Variants in GRM7 observed in about 807,000 individuals in gnomAD.
The protein encoded by GRM7 is metabotropic glutamate receptor 7.
Under a neutral mutation model 84.5 loss-of-function variants are expected in GRM7, and 35 were observed. The ratio of observed to expected loss-of-function variants is 0.41; its 90% CI spans 0.32 to 0.55. The LOEUF (loss-of-function observed/expected upper bound fraction) is 0.55, where lower values mean the gene tolerates loss of function less well. GRM7 is among the 20% of genes least tolerant of loss of function. The pLI, the probability that GRM7 is intolerant of heterozygous loss-of-function variation, is 0.19. For missense variants in GRM7, 1,003 were observed against 1,194.6 expected (o/e 0.84, Z 2.36); for synonymous variants, 487 against 455.1 (o/e 1.07, Z -0.89).
At chr3:7,520,398 C>T (rs1268222827) in intron 7 of GRM7, 1 of 152,090 alleles carries the variant, frequency 6.6e-6, no homozygotes, top group Non-Finnish European at 1.5e-5. Context: ...ATAAAAGTCC[C>T]ATCTTGCCCT....
Position 6,885,708 on chromosome 3 carries a change from A to G in GRM7, c.519+23801A>G, listed in dbSNP as rs1280911020. 3.9e-5 allele frequency among the ~76,000 whole-genome samples: 6 copies of G among 152,370 alleles called. No homozygotes were observed. In the East Asian group the frequency reaches 1.2e-3, roughly 29 times the overall value. On this transcript the variant is annotated intron_variant, in intron 1 of 9. Coordinates refer to ENST00000357716, the MANE Select transcript of GRM7 (RefSeq NM_000844.4). ...CCAACTTAAAGAGTTTCTGTGTTGG[A>G]AATTGAGAGACCTCATTTCCTTCTG...
chr3:7,130,946 C>A (rs1693575696), intron 1 of GRM7, among the ~76,000 whole-genome samples: 1 of 152,164 alleles, frequency 6.6e-6, no homozygotes, highest in Non-Finnish European at 1.5e-5. Context: ...CACTCACACA[C>A]ACACACACAC....
intron 8 of GRM7, among the ~76,000 whole-genome samples, chr3:7,656,419 C>A (rs1372612682): frequency 6.6e-6 from 1 of 151,706 alleles, no homozygotes; most frequent in African/African-American, 2.4e-5. Flanking sequence ...TCACTTGAAC[C>A]CAGGAGGTGG....
intron 2 of GRM7, among the ~76,000 whole-genome samples, chr3:7,177,121 C>CT (rs1695179124): frequency 7.4e-6 from 1 of 135,144 alleles, no homozygotes; most frequent in Non-Finnish European, 1.7e-5. Flanking sequence ...CCTAACTCTG[C>CT]CTTTTTTTTT....
intron 1 of GRM7, among the ~76,000 whole-genome samples, chr3:6,898,564 ACT>A (rs747170433): frequency 4.6e-5 from 7 of 152,074 alleles, no homozygotes; most frequent in Non-Finnish European, 1.0e-4. Context: ...TCCACCTTCT[ACT>A]CTCTTCACCA....
At chr3:7,414,922 A>C (rs973863621) in intron 4 of GRM7, 101 bp from the exon 5 acceptor site, 3 of 880,314 alleles carry the variant, frequency 3.4e-6, no homozygotes, top group Admixed American at 6.2e-5. Flanking sequence ...AAGAGGATCC[A>C]ATTCACTGAA....
At chr3:7,158,192 G>A (rs769360965) in intron 2 of GRM7, among the ~76,000 whole-genome samples, 3 of 152,214 alleles carry the variant, frequency 2.0e-5, no homozygotes, top group African/African-American at 4.8e-5. Flanking sequence ...AAATGCAAAC[G>A]TAGGTAAGGG....
At chr3:7,092,603 G>A (rs1005633891) in intron 1 of GRM7, among the ~76,000 whole-genome samples, 2 of 149,632 alleles carry the variant, frequency 1.3e-5, no homozygotes, top group Admixed American at 6.7e-5. Flanking sequence ...TTTGAATTGG[G>A]GGGGGGGCAA....
chr3:7,704,500 C>T (rs2125160908), intron 9 of GRM7, among the ~76,000 whole-genome samples: 1 of 152,118 alleles, frequency 6.6e-6, no homozygotes, highest in South Asian at 2.1e-4. Flanking sequence ...CCAATAGCTT[C>T]TCTTTTATTG....
intron 2 of GRM7, among the ~76,000 whole-genome samples, chr3:7,178,638 G>A (rs974449848): frequency 2.6e-5 from 4 of 152,154 alleles, no homozygotes; most frequent in Admixed American, 1.3e-4. Flanking sequence ...CTTGAAAACT[G>A]TAGGAAAGGC....
At chr3:7,519,982 C>G in intron 7 of GRM7, 1 of 152,310 alleles carries the variant, frequency 6.6e-6, no homozygotes. Flanking sequence ...CGTGCTTCTT[C>G]ACAGCATGGT....
At chr3:7,061,189 A>G (rs1486805643) in intron 1 of GRM7, among the ~76,000 whole-genome samples, 1 of 151,832 alleles carries the variant, frequency 6.6e-6, no homozygotes, top group Non-Finnish European at 1.5e-5. Flanking sequence ...ACAATTCAGC[A>G]TAACATGGGT....
chr3:7,649,146 T>C (rs1182338469), intron 8 of GRM7, among the ~76,000 whole-genome samples: 1 of 151,934 alleles, frequency 6.6e-6, no homozygotes, highest in Non-Finnish European at 1.5e-5. Context: ...CTCGGCTCAC[T>C]GCTAGCTCCG....
At chr3:7,663,609 T>C (rs1301319230) in intron 8 of GRM7, among the ~76,000 whole-genome samples, 1 of 152,230 alleles carries the variant, frequency 6.6e-6, no homozygotes, top group Non-Finnish European at 1.5e-5. Context: ...GATTGACATA[T>C]AATCATTTAT....
intron 1 of GRM7, among the ~76,000 whole-genome samples, chr3:7,041,873 C>T (rs1246554202): frequency 1.3e-5 from 2 of 152,136 alleles, no homozygotes; most frequent in Non-Finnish European, 2.9e-5. Flanking sequence ...TAAGGAGGGG[C>T]AAGGGGGCAG....
At chr3:7,002,502 G>T (rs924060232) in intron 1 of GRM7, among the ~76,000 whole-genome samples, 2 of 152,014 alleles carry the variant, frequency 1.3e-5, no homozygotes, top group Non-Finnish European at 2.9e-5. Context: ...TAACTGAAAG[G>T]ATATTATTGA....
Position 7,151,313 on chromosome 3 carries a change from G to A in GRM7, c.736+4645G>A, listed in dbSNP as rs7630586. On this transcript the variant is annotated intron_variant, in intron 2 of 9. Coordinates refer to ENST00000357716, the MANE Select transcript of GRM7 (RefSeq NM_000844.4). The surrounding 1 kb of genome is among the most constrained non-coding windows in gnomAD (Gnocchi z 4.5). ...TCCCAGCTACTGGCGAGGCTGAGGC[G>A]GGAGAACTGCTTGAACCCAGGAGGC... Among the ~76,000 whole-genome samples the A allele has an allele frequency of 0.58, 88,344 of 151,872 alleles. 27,233 individuals carry two copies. Among genetic ancestry groups the A allele is most frequent in the African/African-American group, 0.79 (32,769 of 41,442 alleles).
chr3:7,172,961 A>G (rs981383879), intron 2 of GRM7, among the ~76,000 whole-genome samples: 6 of 152,124 alleles, frequency 3.9e-5, no homozygotes, highest in African/African-American at 1.4e-4. Context: ...AATTTATTAT[A>G]TGTATGTGTA....
At chr3:7,292,044 C>T (rs1042281724) in intron 2 of GRM7, among the ~76,000 whole-genome samples, 3 of 152,150 alleles carry the variant, frequency 2.0e-5, no homozygotes, top group African/African-American at 4.8e-5. Context: ...CTGCCATGAT[C>T]GTGAGGCCTC....
Sources: gnomAD v4.1 joint callset for allele counts (sites outside exome capture counted in the v4.1 genomes callset) on GRCh38, gnomAD v4.1.1 for gene constraint, Gnocchi (gnomAD v3.1) non-coding constraint, MANE v1.5 for transcripts, NCBI Gene and HGNC (gene_info 2026-07-23, HGNC 2026-07-21) for gene names.